The following GPC1 variants were observed in gnomAD, a reference collection of about 807,000 sequenced individuals.
GPC1 encodes glypican-1.
A neutral mutation model predicts 51.5 loss-of-function variants in GPC1; 26 were observed. That is an observed-to-expected ratio of 0.50 (90% CI 0.37 to 0.70). The LOEUF (loss-of-function observed/expected upper bound fraction) is 0.70, where lower values mean the gene tolerates loss of function less well. GPC1 is among the 30% of genes least tolerant of loss of function. The pLI is 0.00. For synonymous variants in GPC1, 380 were observed against 348.3 expected (o/e 1.09, Z -1.01); for missense variants, 775 against 800.5 (o/e 0.97, Z 0.38).
chr2:240,454,464 G>A (rs766181339), intron 1 of GPC1, among the ~76,000 whole-genome samples: 30 of 152,304 alleles, frequency 2.0e-4, no homozygotes, highest in Non-Finnish European at 3.7e-4. Context: ...AAGAGGGTTC[G>A]GGCTTGGGGA....
intron 1 of GPC1, chr2:240,457,598 C>G (rs991253020): frequency 2.5e-6 from 1 of 399,412 alleles, no homozygotes; most frequent in Non-Finnish European, 5.4e-6. Context: ...GCTCCAGGCC[C>G]TGCCTGCAGT....
At position 240,463,438 on chromosome 2, in the gene GPC1, A is replaced by T. The variant is rs767525427; in HGVS notation, c.809A>T (p.Asp270Val). The stretch of plus-strand genomic sequence containing the variant: ...GTCCCCGGCGCCAGGCCCTGCCCTG[A>T]CTATTGCCGAAATGTGCTCAAGGGC... Reference protein sequence around the residue: ...LGVPGARPCPDYCRNVLKGCL... With the variant: ...LGVPGARPCPVYCRNVLKGCL... Residue 270 changes from aspartate to valine, a missense_variant, in exon 4 of 9, where the codon GAC becomes GTC. Asp to Val is a radical substitution (Grantham distance 152). Coordinates refer to ENST00000264039, the MANE Select transcript of GPC1 (RefSeq NM_002081.3). 4 of 1,612,732 alleles carry T rather than the reference A, an allele frequency of 2.5e-6. No individual in the cohort carries two copies. The highest frequency in any genetic ancestry group is 2.7e-5 in the African/African-American group (2 of 74,910).
chr2:240,465,680 G>A (rs1333951640), intron 8 of GPC1, 32 bp downstream of exon 8: 2 of 1,599,898 alleles, frequency 1.3e-6, no homozygotes, highest in Non-Finnish European at 1.7e-6. Flanking sequence ...GCGGCCAAGG[G>A]GCCAGGGTTG....
intron 1 of GPC1, among the ~76,000 whole-genome samples, chr2:240,441,685 T>G (rs1000524489): frequency 6.6e-6 from 1 of 152,188 alleles, no homozygotes; most frequent in Non-Finnish European, 1.5e-5. Flanking sequence ...GCCGTGCCTG[T>G]GGTGGCTTTT....
intron 1 of GPC1, among the ~76,000 whole-genome samples, chr2:240,438,366 C>T (rs1199329975): frequency 6.6e-6 from 1 of 152,208 alleles, no homozygotes; most frequent in Non-Finnish European, 1.5e-5. Flanking sequence ...CGGGTCGCAG[C>T]AGTCCTGGGG....
intron 2 of GPC1, among the ~76,000 whole-genome samples, chr2:240,460,282 G>T (rs1030662769): frequency 6.6e-6 from 1 of 152,054 alleles, no homozygotes; most frequent in Non-Finnish European, 1.5e-5. Flanking sequence ...TGGGATGCGC[G>T]TGGCCCCTCT....
intron 4 of GPC1, chr2:240,464,034 G>A (rs2074239060): frequency 4.8e-6 from 1 of 206,556 alleles, no homozygotes; most frequent in Admixed American, 5.2e-5. Flanking sequence ...CCACTAACAT[G>A]TACACATGCT....
chr2:240,440,880 G>T (rs1388648033), intron 1 of GPC1, among the ~76,000 whole-genome samples: 2 of 152,268 alleles, frequency 1.3e-5, no homozygotes, highest in Non-Finnish European at 2.9e-5. Context: ...CTCCGGCCTG[G>T]CTCCACTGCC....
chr2:240,448,468 G>A lies in GPC1; in HGVS notation c.167-10562G>A, dbSNP rs555675411. Among the ~76,000 whole-genome samples, 16 of 135,676 alleles carry A rather than the reference G, an allele frequency of 1.2e-4. No individual in the cohort carries two copies. In the South Asian group the frequency reaches 3.3e-3, roughly 28 times the overall value. The allele number at this position is 135,676 out of a possible 152,430, so 89.0% of individuals were successfully genotyped here. ...CCTGCCAGGAAGTCTGGGTGTAGAC[G>A]GGGTGGAGTCAGGACTCCAGGTGCC... is the stretch of plus-strand genomic sequence containing the variant. On this transcript the variant is annotated intron_variant, in intron 1 of 8. Transcript: ENST00000264039. The surrounding 1 kb of genome is among the most constrained non-coding windows in gnomAD (Gnocchi z 4.5).
chr2:240,463,340 TC>T lies in GPC1; in HGVS notation c.718-3del, dbSNP rs747419583. Reference sequence around the variant, plus strand: ...CGGGGCCTGGCTTAGGGTCCCTTGCTCCCCAGGTCCCCCTGGGCCCGGAGTG... The same window carrying T: ...CGGGGCCTGGCTTAGGGTCCCTTGCTCCCAGGTCCCCCTGGGCCCGGAGTG... On this transcript the variant is annotated splice_region_variant and splice_polypyrimidine_tract_variant and intron_variant, in intron 3 of 8. Coordinates refer to ENST00000264039, the MANE Select transcript of GPC1 (RefSeq NM_002081.3). 6 of 1,611,984 alleles carry T rather than the reference TC, an allele frequency of 3.7e-6. No individual in the cohort carries two copies. The African/African-American group carries it at 8.0e-5, about 22-fold the overall frequency.
At chr2:240,446,860 G>A (rs1012000173) in intron 1 of GPC1, among the ~76,000 whole-genome samples, 1 of 152,222 alleles carries the variant, frequency 6.6e-6, no homozygotes, top group African/African-American at 2.4e-5. Context: ...GGGGACCAGG[G>A]TGGGCAGCCC....
intron 1 of GPC1, chr2:240,456,153 A>G (rs923266723): frequency 3.9e-6 from 1 of 257,984 alleles, no homozygotes. Flanking sequence ...TCGGCGGGGG[A>G]GGCTGAGGCG....
chr2:240,455,388 C>T (rs907083314), intron 1 of GPC1, among the ~76,000 whole-genome samples: 6 of 152,182 alleles, frequency 3.9e-5, no homozygotes, highest in Non-Finnish European at 5.9e-5. Flanking sequence ...CAGCGGGGAG[C>T]AGGCCCGGTG....
rs911251944 is a variant in GPC1, at chr2:240,448,624, C to T, written c.167-10406C>T. 1.3e-5 allele frequency among the ~76,000 whole-genome samples: 2 copies of T among 148,620 alleles called. No individual in the cohort carries two copies. The highest frequency in any genetic ancestry group is 2.5e-5 in the African/African-American group (1 of 40,048). On this transcript the variant is annotated intron_variant, in intron 1 of 8. Coordinates refer to ENST00000264039, the MANE Select transcript of GPC1 (RefSeq NM_002081.3). This position sits in a 1 kb window ranked among gnomAD's most constrained non-coding sequence, Gnocchi z 4.5. ...CGCAGGGCCCACAGGAGGTCGAGGT[C>T]GGAGCTCACCTTTGGGGAGGCGATC...
At chr2:240,450,462 C>G (rs916842928) in intron 1 of GPC1, 2 of 402,718 alleles carry the variant, frequency 5.0e-6, no homozygotes, top group Non-Finnish European at 1.0e-5. Context: ...GCACAGGTCA[C>G]TTTAGCTCTC....
intron 1 of GPC1, chr2:240,455,910 G>T: frequency 3.1e-6 from 1 of 323,756 alleles, no homozygotes; most frequent in South Asian, 2.2e-5. Flanking sequence ...CGTCCAGCCT[G>T]CAGCGGGCCT....
intron 1 of GPC1, chr2:240,457,869 G>C (rs1051085367): frequency 2.9e-6 from 1 of 350,216 alleles, no homozygotes; most frequent in African/African-American, 2.1e-5. Flanking sequence ...CCCCTGAGGC[G>C]GCAGTCCTGA....
At chr2:240,465,383 G>T in intron 7 of GPC1, 90 bp from the exon 8 acceptor site, 1 of 1,404,782 alleles carries the variant, frequency 7.1e-7, no homozygotes, top group Non-Finnish European at 9.8e-7. Flanking sequence ...GGGCATCTCA[G>T]GCTCAGAGCG....
chr2:240,466,013 G>A (rs757484536), intron 8 of GPC1, 45 bp from the exon 9 acceptor site: 6 of 1,258,316 alleles, frequency 4.8e-6, no homozygotes, highest in African/African-American at 4.4e-5. Flanking sequence ...CTGCACTGGG[G>A]TCTCCTGTGG....
Sources: allele counts gnomAD v4.1 joint callset (sites outside exome capture counted in the v4.1 genomes callset), GRCh38; gene constraint gnomAD v4.1.1; non-coding constraint Gnocchi (gnomAD v3.1); transcripts MANE v1.5; gene names NCBI Gene and HGNC (gene_info 2026-07-23, HGNC 2026-07-21).